The following KIF1B variants were observed in gnomAD, a reference collection of about 807,000 sequenced individuals.
KIF1B encodes kinesin-like protein KIF1B.
Under a neutral mutation model 241.9 loss-of-function variants are expected in KIF1B, and 76 were observed. The ratio of observed to expected loss-of-function variants is 0.31; its 90% CI spans 0.26 to 0.38. The LOEUF is 0.38. Ranked by LOEUF, KIF1B falls within the 10% of genes least tolerant of loss-of-function variation. The pLI is 1.00. For synonymous variants in KIF1B, 750 were observed against 796.7 expected, an observed-to-expected ratio of 0.94 and a Z score of 0.99; for missense variants, 1,622 against 2,271.4, an observed-to-expected ratio of 0.71 and a Z score of 5.81.
chr1:10,318,708 T>A (rs925047143), intron 22 of KIF1B, among the ~76,000 whole-genome samples: 2 of 151,868 alleles, frequency 1.3e-5, no homozygotes, highest in Non-Finnish European at 2.9e-5. Flanking sequence ...AATAATAGAG[T>A]GAGACTCCAT....
At chr1:10,216,793 C>T (rs1028578359) in intron 1 of KIF1B, among the ~76,000 whole-genome samples, 1 of 151,982 alleles carries the variant, frequency 6.6e-6, no homozygotes, top group Non-Finnish European at 1.5e-5. Flanking sequence ...TGAGCTTTCC[C>T]TTCCTCTACT....
In KIF1B at chr1:10,282,521, T is replaced by C; in HGVS notation, c.1422T>C (p.Ile474=). The C allele has an allele frequency of 6.2e-7, 1 of 1,613,956 alleles. No individual in the cohort carries two copies. Among genetic ancestry groups the C allele is most frequent in the African/African-American group, 1.3e-5 (1 of 75,068 alleles). ...CTACACCTGGAGGAGAGGAAGCTAT[T>C]GAACGTTTAAAGGTAAGTAATAGTT... ...IMSTPGGEEA[I]ERLKESEKII... is the part of the protein sequence containing the mutation. Residue 474 remains isoleucine (I), a synonymous_variant, in exon 15 of 49, where the codon ATT becomes ATC. Coordinates refer to ENST00000676179, the MANE Select transcript of KIF1B (RefSeq NM_001365951.3).
At chr1:10,360,451 G>A (rs1201062144) in intron 38 of KIF1B, among the ~76,000 whole-genome samples, 2 of 152,114 alleles carry the variant, frequency 1.3e-5, no homozygotes, top group East Asian at 1.9e-4. Context: ...TTGGGAGGCC[G>A]AGGTGGGCAG....
chr1:10,272,560 A>G (rs1557680038), intron 9 of KIF1B: 11 of 551,700 alleles, frequency 2.0e-5, no homozygotes, highest in Non-Finnish European at 1.3e-5. Context: ...GGTTTGACTC[A>G]TTTTTTTGAG....
intron 22 of KIF1B, chr1:10,306,463 T>C (rs1374484159): frequency 1.0e-6 from 1 of 990,264 alleles, no homozygotes; most frequent in African/African-American, 1.7e-5. Context: ...AAAATAATAA[T>C]TGCTAGGTTT....
At chr1:10,304,753 A>T in intron 22 of KIF1B, 1 of 1,543,870 alleles carries the variant, frequency 6.5e-7, no homozygotes, top group Non-Finnish European at 8.7e-7. Context: ...TATTTACATT[A>T]TAAATATTAA....
chr1:10,299,659 T>C (rs1169225904), intron 22 of KIF1B, among the ~76,000 whole-genome samples: 1 of 152,202 alleles, frequency 6.6e-6, no homozygotes, highest in Admixed American at 6.5e-5. Context: ...GAATTCAGGC[T>C]CATGAGTTTT....
intron 28 of KIF1B, 58 bp from the exon 29 acceptor site, chr1:10,336,599 C>A: frequency 2.2e-6 from 3 of 1,346,662 alleles, no homozygotes; most frequent in Non-Finnish European, 3.2e-6. Context: ...AGAGCTTTTT[C>A]CCTCCCTCCC....
intron 2 of KIF1B, among the ~76,000 whole-genome samples, chr1:10,240,375 A>G (rs1052724912): frequency 1.3e-5 from 2 of 151,520 alleles, no homozygotes; most frequent in African/African-American, 4.9e-5. Context: ...TACCTGGCTA[A>G]TTTTGTATGT....
At chr1:10,338,468 G>GT (rs1354150974) in intron 31 of KIF1B, among the ~76,000 whole-genome samples, 1 of 152,170 alleles carries the variant, frequency 6.6e-6, no homozygotes, top group Non-Finnish European at 1.5e-5. Context: ...TATTTAATGT[G>GT]TTTTCACTCA....
intron 1 of KIF1B, chr1:10,230,949 CA>C (rs1435112970): frequency 6.6e-6 from 1 of 152,144 alleles, no homozygotes; most frequent in Non-Finnish European, 1.5e-5. Flanking sequence ...CGCAGTGACT[CA>C]CGCTTATAAT....
intron 2 of KIF1B, among the ~76,000 whole-genome samples, chr1:10,238,706 A>AAACAACAACAACAACAAC (rs146414281): frequency 6.6e-6 from 1 of 150,576 alleles, no homozygotes; most frequent in African/African-American, 2.4e-5. Flanking sequence ...CCCCATCCAA[A>AAACAACAACAACAACAAC]AACAACAACA....
chr1:10,339,723 A>G, intron 31 of KIF1B, 46 bp from the exon 32 acceptor site: 1 of 1,515,960 alleles, frequency 6.6e-7, no homozygotes. Context: ...TTCTGATAAA[A>G]CCGTTTAATG....
rs1295264806 is a variant in KIF1B at position 10,380,119 on chromosome 1, A to C, written c.*3532A>C. On this transcript the variant is annotated 3_prime_UTR_variant, in exon 49 of 49. Transcript: ENST00000676179. ...TCTCTTGAGATCTAAAAACAAGATG[A>C]CTTTTCCTGGCACATATTCCAAAGC... 1 of 226,060 alleles carries C rather than the reference A, an allele frequency of 4.4e-6. No individual in the cohort carries two copies. Among genetic ancestry groups the C allele is most frequent in the Non-Finnish European group, 8.8e-6 (1 of 113,430 alleles). 14.0% of individuals were successfully genotyped at this position (226,060 alleles called of 1,614,324 possible).
Position 10,303,359 on chromosome 1 carries a change from A to G in KIF1B, c.2115+6113A>G. The G allele has an allele frequency of 6.2e-7, 1 of 1,614,210 alleles. No individual in the cohort carries two copies. Among genetic ancestry groups the G allele is most frequent in the Non-Finnish European group, 8.5e-7 (1 of 1,180,034 alleles). On this transcript the variant is annotated intron_variant, in intron 22 of 48. Transcript: ENST00000676179. The surrounding 1 kb of genome is among the most constrained non-coding windows in gnomAD (Gnocchi z 5.2). Reference sequence around the variant, plus strand: ...ATACCCCAAAGAAGGCGCTTGAGTAAAGATTCCAAGTGGGTCACAATCTCA... The same window carrying G: ...ATACCCCAAAGAAGGCGCTTGAGTAGAGATTCCAAGTGGGTCACAATCTCA...
intron 1 of KIF1B, among the ~76,000 whole-genome samples, chr1:10,228,981 G>A (rs1646944481): frequency 6.6e-6 from 1 of 152,162 alleles, no homozygotes; most frequent in South Asian, 2.1e-4. Context: ...GCTAGTTTAG[G>A]GGAGAAGATA....
At chr1:10,352,559 T>G in intron 37 of KIF1B, 72 bp from the exon 38 acceptor site, 1 of 1,334,472 alleles carries the variant, frequency 7.5e-7, no homozygotes, top group Non-Finnish European at 1.1e-6. Flanking sequence ...TAAAAGTCTC[T>G]TTTGGGCTTA....
intron 27 of KIF1B, among the ~76,000 whole-genome samples, chr1:10,328,672 C>G (rs1376290165): frequency 6.6e-6 from 1 of 152,174 alleles, no homozygotes; most frequent in Non-Finnish European, 1.5e-5. Context: ...TACACAGTTT[C>G]TAAAACTGTT....
intron 9 of KIF1B, chr1:10,272,532 A>G: frequency 3.3e-6 from 2 of 604,218 alleles, no homozygotes; most frequent in Non-Finnish European, 6.0e-6. Flanking sequence ...ATCTGTAAAA[A>G]CTAGAGCAAA....
Sources: gnomAD v4.1 joint callset for allele counts (sites outside exome capture counted in the v4.1 genomes callset) on GRCh38, gnomAD v4.1.1 for gene constraint, Gnocchi (gnomAD v3.1) non-coding constraint, MANE v1.5 for transcripts, NCBI Gene and HGNC (gene_info 2026-07-23, HGNC 2026-07-21) for gene names.